The following POLN variants were observed in gnomAD, a reference collection of about 807,000 sequenced individuals.
POLN encodes the protein DNA polymerase N.
In POLN, 108 loss-of-function variants were observed where a neutral mutation model predicts 113.5. The observed-to-expected ratio is 0.95, with a 90% CI of 0.81 to 1.12. The LOEUF is 1.12. POLN is among the 50% of genes most tolerant of loss of function. The pLI, the probability that POLN is intolerant of heterozygous loss-of-function variation, is 0.00. For synonymous variants in POLN, 386 were observed against 391.5 expected, an observed-to-expected ratio of 0.99 and a Z score of 0.17; for missense variants, 1,097 against 1,077.1, an observed-to-expected ratio of 1.02 and a Z score of -0.26.
chr4:2,077,463 G>A (rs1730303418), intron 23 of POLN, among the ~76,000 whole-genome samples: 1 of 152,170 alleles, frequency 6.6e-6, no homozygotes, highest in Admixed American at 6.5e-5. Flanking sequence ...GGGGGAGGTG[G>A]GCCTGTGCTT....
In POLN at chr4:2,095,869, C is replaced by T. The variant is rs570588303; in HGVS notation, c.2047G>A (p.Ala683Thr). 40 of 1,614,112 alleles carry T rather than the reference C, an allele frequency of 2.5e-5. No homozygotes were observed. The highest frequency in any genetic ancestry group is 1.6e-4 in the East Asian group (7 of 44,880). The stretch of plus-strand genomic sequence containing the variant: ...AGCCTACCTGCTCCATAGACCACCG[C>T]GTACACCACCTTCTTGGTTTGCTCT... ...DREQTKKVVYAVVYGAGKERL... is the reference protein window; with the variant it reads ...DREQTKKVVYTVVYGAGKERL... Residue 683 changes from alanine (A) to threonine (T), a missense_variant, in exon 20 of 26, where the codon GCG (alanine) becomes ACG (threonine). By Grantham distance (58) the Ala-to-Thr change is moderately conservative (BLOSUM62 0). Transcript: ENST00000511885.
At chr4:2,141,561 G>A (rs992339108) in intron 16 of POLN, among the ~76,000 whole-genome samples, 5 of 152,302 alleles carry the variant, frequency 3.3e-5, no homozygotes, top group Admixed American at 2.0e-4. Flanking sequence ...TGCGTTCTGT[G>A]CTCTCAGCAC....
At position 2,126,301 on chromosome 4, in the gene POLN, TA is replaced by T. The variant is rs776392505; in HGVS notation, c.1982+1811del. On this transcript the variant is annotated intron_variant, in intron 19 of 25. Coordinates refer to ENST00000511885, the MANE Select transcript of POLN (RefSeq NM_181808.4). The surrounding 1 kb of genome is among the most constrained non-coding windows in gnomAD (Gnocchi z 4.6). The stretch of plus-strand genomic sequence containing the variant: ...TTCTCAATCCTCTGCTCCCCGTATA[TA>T]AAATATTTCTTCCTGAATTTTGTCA... 5.9e-5 allele frequency among the ~76,000 whole-genome samples: 9 copies of T among 152,246 alleles called. No homozygotes were observed. Among genetic ancestry groups the T allele is most frequent in the Non-Finnish European group, 1.0e-4 (7 of 68,040 alleles).
At chr4:2,237,339 G>A (rs935856261) in intron 2 of POLN, among the ~76,000 whole-genome samples, 5 of 151,276 alleles carry the variant, frequency 3.3e-5, no homozygotes, top group Non-Finnish European at 5.9e-5. Context: ...AGGAAGTTGA[G>A]GCAGGAGGAT....
intron 14 of POLN, among the ~76,000 whole-genome samples, chr4:2,158,908 C>T (rs1732505937): frequency 1.3e-5 from 2 of 152,158 alleles, no homozygotes; most frequent in Admixed American, 6.5e-5. Flanking sequence ...CACCTACTTC[C>T]GATTCCTCAT....
Position 2,156,790 on chromosome 4 carries a change from G to T in POLN, c.1729C>A (p.Pro577Thr), listed in dbSNP as rs368039204. Residue 577 changes from proline to threonine, a missense_variant and splice_region_variant, in exon 16 of 26, where the codon CCT becomes ACT. Physicochemically the swap from Pro to Thr is conservative, Grantham distance 38. Coordinates refer to ENST00000511885, the MANE Select transcript of POLN (RefSeq NM_181808.4). ...TVTGRLSAKH[P>T]NIQGISKHPI... ...AGACAGTTGTTTAAACAACTTACAG[G>T]ATGCTTGGCTGAAAGTCTTCCAGTC... The T allele has an allele frequency of 5.0e-6, 8 of 1,610,856 alleles. No homozygotes were observed. The highest frequency in any genetic ancestry group is 6.8e-6 in the Non-Finnish European group (8 of 1,177,040).
At chr4:2,207,737 A>G (rs958991320) in intron 5 of POLN, among the ~76,000 whole-genome samples, 1 of 152,228 alleles carries the variant, frequency 6.6e-6, no homozygotes, top group Non-Finnish European at 1.5e-5. Flanking sequence ...ACATGTGTTG[A>G]CAAGGAGGTG....
At chr4:2,140,161 C>T (rs1731962589) in intron 16 of POLN, 1 of 152,204 alleles carries the variant, frequency 6.6e-6, no homozygotes, top group Non-Finnish European at 1.5e-5. Context: ...TCACTACAAC[C>T]TCTGCCTGCC....
intron 2 of POLN, among the ~76,000 whole-genome samples, chr4:2,237,801 T>C (rs185062484): frequency 7.9e-5 from 12 of 152,200 alleles, no homozygotes; most frequent in African/African-American, 2.7e-4. Flanking sequence ...ATAGCTATAA[T>C]AGTAAACTTT....
chr4:2,151,815 TA>T (rs1482419907), intron 16 of POLN, among the ~76,000 whole-genome samples: 1 of 152,072 alleles, frequency 6.6e-6, no homozygotes, highest in Admixed American at 6.5e-5. Flanking sequence ...AGGACATGGG[TA>T]AAAGATGAGG....
At chr4:2,077,250 C>G (rs1257818780) in intron 23 of POLN, among the ~76,000 whole-genome samples, 1 of 152,234 alleles carries the variant, frequency 6.6e-6, no homozygotes, top group Non-Finnish European at 1.5e-5. Flanking sequence ...TGCTCTGAGC[C>G]TCTGAAACAA....
intron 9 of POLN, 47 bp from the exon 10 acceptor site, chr4:2,174,798 G>T: frequency 3.0e-6 from 4 of 1,315,756 alleles, no homozygotes; most frequent in African/African-American, 1.5e-5. Context: ...AAATATTATT[G>T]TATCTGCATT....
intron 16 of POLN, among the ~76,000 whole-genome samples, chr4:2,148,329 T>A (rs1430714213): frequency 6.6e-6 from 1 of 152,118 alleles, no homozygotes; most frequent in Non-Finnish European, 1.5e-5. Flanking sequence ...TATGTAATTA[T>A]AAGTGGAGTC....
chr4:2,072,916 C>T (rs1730184600), intron 25 of POLN, 52 bp downstream of exon 25: 1 of 1,586,986 alleles, frequency 6.3e-7, no homozygotes, highest in Admixed American at 1.7e-5. Flanking sequence ...GGGTGCTGGC[C>T]TCCCCTCACC....
Position 2,241,759 on chromosome 4 carries a change from G to A in POLN, c.-252C>T, listed in dbSNP as rs1289769771. The stretch of plus-strand genomic sequence containing the variant: ...CGCGCCAGCGGCAAAACCTTCCTTC[G>A]GAGGGTCACCCAGCTGTGACACCTA... On this transcript the variant is annotated 5_prime_UTR_variant, in exon 2 of 26. Transcript: ENST00000511885. The A allele has an allele frequency of 3.0e-6, 3 of 985,370 alleles. No individual in the cohort carries two copies. Among genetic ancestry groups the A allele is most frequent in the Non-Finnish European group, 3.6e-6 (3 of 829,958 alleles). The allele number at this position is 985,370 out of a possible 1,614,324, so 61.0% of individuals were successfully genotyped here.
chr4:2,204,031 C>T (rs891970747), intron 5 of POLN, among the ~76,000 whole-genome samples: 4 of 147,322 alleles, frequency 2.7e-5, no homozygotes, highest in Non-Finnish European at 5.9e-5. Context: ...ATCACTTGAA[C>T]CCGGGAGGCG....
chr4:2,083,489 A>G (rs779367909), intron 21 of POLN, among the ~76,000 whole-genome samples: 14 of 152,206 alleles, frequency 9.2e-5, no homozygotes, highest in Non-Finnish European at 1.6e-4. Context: ...TGGTGGGTGC[A>G]AACTCTGAAG....
At chr4:2,157,811 C>T (rs746291995) in intron 15 of POLN, 47 bp downstream of exon 15, 3 of 1,328,972 alleles carry the variant, frequency 2.3e-6, no homozygotes, top group South Asian at 1.3e-5. Flanking sequence ...TGAACTCATA[C>T]AAAAACCACA....
Position 2,219,713 on chromosome 4 carries a change from C to G in POLN, c.134-6587G>C, listed in dbSNP as rs551329013. On this transcript the variant is annotated intron_variant, in intron 3 of 25. Transcript: ENST00000511885. ...ACCTGCTGAGTTTCCCAGCCCTCCACAATATGGCCATTCTAGCATGTCCAC... is the reference window on the plus strand; with the variant it reads ...ACCTGCTGAGTTTCCCAGCCCTCCAGAATATGGCCATTCTAGCATGTCCAC... 3.3e-5 allele frequency among the ~76,000 whole-genome samples: 5 copies of G among 152,278 alleles called. No homozygotes were observed. In the South Asian group the frequency reaches 1.0e-3, roughly 32 times the overall value.
Sources: allele counts gnomAD v4.1 joint callset (sites outside exome capture counted in the v4.1 genomes callset), GRCh38; gene constraint gnomAD v4.1.1; non-coding constraint Gnocchi (gnomAD v3.1); transcripts MANE v1.5; gene names NCBI Gene and HGNC (gene_info 2026-07-23, HGNC 2026-07-21).